DPEP1: variants seen among roughly 807,000 people sequenced by gnomAD.
DPEP1 encodes beta-lactamase.
DPEP1 carries 50 observed loss-of-function variants against 42.3 expected under a neutral mutation model. The ratio of observed to expected loss-of-function variants is 1.18; its 90% CI spans 0.94 to 1.50. The LOEUF is 1.50. Among genes scored for constraint, DPEP1 ranks in the 40% most tolerant of loss-of-function variants. The pLI, the probability that DPEP1 is intolerant of heterozygous loss-of-function variation, is 0.00. For synonymous variants in DPEP1, 297 were observed against 234.0 expected, an observed-to-expected ratio of 1.27 and a Z score of -2.46; for missense variants, 663 against 553.0, an observed-to-expected ratio of 1.20 and a Z score of -1.99.
chr16:89,637,137 C>CA, intron 6 of DPEP1, 67 bp from the exon 7 acceptor site: 1 of 1,567,520 alleles, frequency 6.4e-7, no homozygotes, highest in East Asian at 2.2e-5. Context: ...ACATCTGGTC[C>CA]AGCCCGTCCA....
intron 1 of DPEP1, among the ~76,000 whole-genome samples, chr16:89,625,351 T>G (rs1200375603): frequency 6.6e-6 from 1 of 152,086 alleles, no homozygotes; most frequent in East Asian, 1.9e-4. Flanking sequence ...GGTACCAGGC[T>G]CGTTTTAACC....
Position 89,637,558 on chromosome 16 carries a change from T to G in DPEP1, c.853+6T>G. 1.2e-6 allele frequency: 2 copies of G among 1,612,538 alleles called. No individual in the cohort carries two copies. Among genetic ancestry groups the G allele is most frequent in the Non-Finnish European group, 1.7e-6 (2 of 1,179,908 alleles). ...CAACCTGTCCCAAGTGGCCGGTAGG[T>G]GGGGTGTGAGCGGCCAAGGGGGCCG... On this transcript the variant is annotated splice_donor_region_variant and intron_variant, in intron 8 of 10. Transcript: ENST00000690203.
Position 89,638,326 on chromosome 16 carries a change from C to A in DPEP1, c.*104C>A, listed in dbSNP as rs560165329. The A allele has an allele frequency of 9.0e-6, 13 of 1,440,058 alleles. No homozygotes were observed. In the African/African-American group the frequency reaches 1.4e-4, roughly 16 times the overall value. The allele number at this position is 1,440,058 out of a possible 1,614,324, so 89.2% of individuals were successfully genotyped here. A position where few individuals can be genotyped will look rare whatever the true frequency, so the allele number is the denominator to read the frequency against. ...GAGCCCTGCTGCCCACATGCAAGGA[C>A]CAGCATCTCCTGAGAGGACGCCTGG... On this transcript the variant is annotated 3_prime_UTR_variant, in exon 11 of 11. Coordinates refer to ENST00000690203, the MANE Select transcript of DPEP1 (RefSeq NM_001389466.1).
rs762587254 is a variant in DPEP1 at position 89,637,294 on chromosome 16, A to G, written c.682A>G (p.Arg228Gly). ...ATMKATLQLS[R>G]APVIFSHSSA... Reference sequence around the variant, plus strand: ...CATGAAGGCCACCCTGCAGCTGTCCAGAGCCCCGGTCATCTTCAGCCACTC... The same window carrying G: ...CATGAAGGCCACCCTGCAGCTGTCCGGAGCCCCGGTCATCTTCAGCCACTC... Residue 228 changes from arginine (R) to glycine (G), a missense_variant, in exon 7 of 11, where the codon AGA becomes GGA. Physicochemically the swap from Arg to Gly is moderately radical, Grantham distance 125 (BLOSUM62 -2). Coordinates refer to ENST00000690203, the MANE Select transcript of DPEP1 (RefSeq NM_001389466.1). 1.1e-5 allele frequency: 17 copies of G among 1,612,610 alleles called. No homozygotes were observed. In the South Asian group the frequency reaches 1.8e-4, roughly 17 times the overall value.
At chr16:89,634,605 T>C (rs1290895631) in intron 2 of DPEP1, among the ~76,000 whole-genome samples, 13 of 5,468 alleles carry the variant, frequency 2.4e-3, no homozygotes, top group Admixed American at 0.01. Context: ...CCCTTCCTTC[T>C]CCTTTCCCCT....
downstream of DPEP1, among the ~76,000 whole-genome samples, chr16:89,641,389 TC>T (rs957093351): frequency 6.6e-6 from 1 of 152,322 alleles, no homozygotes; most frequent in African/African-American, 2.4e-5. Flanking sequence ...AGTGGCCCTG[TC>T]CGGGCGTAAC....
At chr16:89,633,873 G>A (rs991102563) in intron 2 of DPEP1, among the ~76,000 whole-genome samples, 6 of 152,146 alleles carry the variant, frequency 3.9e-5, no homozygotes, top group East Asian at 1.9e-4. Context: ...CAGTCCCCCC[G>A]AGACAGGGGC....
intron 1 of DPEP1, chr16:89,626,552 G>A (rs534017527): frequency 3.7e-4 from 57 of 152,208 alleles, no homozygotes; most frequent in African/African-American, 1.3e-3. Flanking sequence ...GTTTCTCCAT[G>A]TTGGTCAGGC....
intron 1 of DPEP1, among the ~76,000 whole-genome samples, chr16:89,616,326 C>T (rs192097158): frequency 1.6e-4 from 25 of 152,238 alleles, no homozygotes; most frequent in Middle Eastern, 3.4e-3. Flanking sequence ...TCACCCACTC[C>T]GGGGCTGACC....
rs747632756 is a variant in DPEP1, at chr16:89,635,917, C to T, written c.114C>T (p.Asp38=). The T allele has an allele frequency of 8.4e-5, 134 of 1,602,898 alleles. No homozygotes were observed. Among genetic ancestry groups the T allele is most frequent in the Non-Finnish European group, 1.1e-4 (131 of 1,174,934 alleles). ...CCCCGGCAAACTCCAGGCACAATGA[C>T]CTCCCCTGGCAGCTGCTGGATATGT... The part of the protein sequence containing the change: ...RDSPVIDGHN[D]LPWQLLDMFN... The change falls in exon 3 of 11, where the codon GAC becomes GAT. Residue 38 remains aspartate (D), a synonymous_variant. Transcript: ENST00000690203.
chr16:89,632,657 G>A (rs995055233), intron 2 of DPEP1, among the ~76,000 whole-genome samples: 2 of 152,166 alleles, frequency 1.3e-5, no homozygotes, highest in African/African-American at 4.8e-5. Flanking sequence ...TAAGGAGGGT[G>A]GGTCTGATTA....
chr16:89,615,464 C>T (rs1282400474), intron 1 of DPEP1, among the ~76,000 whole-genome samples: 1 of 152,216 alleles, frequency 6.6e-6, no homozygotes, highest in African/African-American at 2.4e-5. Flanking sequence ...GACCTGTCTT[C>T]TCTACCTCAG....
chr16:89,614,510 T>C (rs1000958642), intron 1 of DPEP1, among the ~76,000 whole-genome samples: 3 of 152,186 alleles, frequency 2.0e-5, no homozygotes, highest in Non-Finnish European at 1.5e-5. Context: ...AAATCAAAGC[T>C]GTGGCCGGGC....
intron 1 of DPEP1, among the ~76,000 whole-genome samples, chr16:89,615,368 G>T (rs1412861662): frequency 2.0e-5 from 3 of 152,146 alleles, no homozygotes; most frequent in East Asian, 3.9e-4. Context: ...CAGGGCAGTG[G>T]TGCTGGTCTA....
intron 1 of DPEP1, among the ~76,000 whole-genome samples, chr16:89,618,996 C>T (rs180839140): frequency 0.028 from 166 of 5,978 alleles, 5 homozygotes; most frequent in Middle Eastern, 0.12. Flanking sequence ...TCCCTGCAGC[C>T]CCCTGCCCCC....
intron 2 of DPEP1, among the ~76,000 whole-genome samples, chr16:89,630,842 G>A (rs867867219): frequency 5.3e-5 from 8 of 152,000 alleles, no homozygotes; most frequent in Middle Eastern, 6.8e-3. Context: ...GGTGAGACTC[G>A]TGTGCCCTTG....
chr16:89,641,031 A>G (rs959709749), downstream of DPEP1, among the ~76,000 whole-genome samples: 7 of 151,810 alleles, frequency 4.6e-5, no homozygotes, highest in Non-Finnish European at 1.0e-4. Flanking sequence ...GCCGAGGCGG[A>G]GAGAGAGAGA....
chr16:89,636,730 G>A, intron 5 of DPEP1, 47 bp downstream of exon 5: 6 of 1,606,796 alleles, frequency 3.7e-6, no homozygotes, highest in Non-Finnish European at 5.1e-6. Context: ...TCAGGAGGGA[G>A]GGGGCAGACA....
At chr16:89,640,905 T>A (rs2059738313), downstream of DPEP1, among the ~76,000 whole-genome samples, 1 of 152,144 alleles carries the variant, frequency 6.6e-6, no homozygotes, top group Non-Finnish European at 1.5e-5. Flanking sequence ...GCTGCACTGT[T>A]ATTTATTGGA....
Sources: gnomAD v4.1 joint callset for allele counts (sites outside exome capture counted in the v4.1 genomes callset) on GRCh38, gnomAD v4.1.1 for gene constraint, MANE v1.5 for transcripts, NCBI Gene and HGNC (gene_info 2026-07-23, HGNC 2026-07-21) for gene names.